SYNE1: variants seen among roughly 807,000 people sequenced by gnomAD.
The protein encoded by SYNE1 is spectrin repeat containing nuclear envelope protein 1.
SYNE1 carries 616 observed loss-of-function variants against 1,111.0 expected under a neutral mutation model. The observed-to-expected ratio is 0.55, with a 90% CI of 0.52 to 0.59. The LOEUF is 0.59. SYNE1 is among the 20% of genes least tolerant of loss of function. The pLI is 0.00. For synonymous variants in SYNE1, 3,855 were observed against 3,825.8 expected, an observed-to-expected ratio of 1.01 and a Z score of -0.28; for missense variants, 10,006 against 10,417.0, an observed-to-expected ratio of 0.96 and a Z score of 1.72.
Position 152,347,122 on chromosome 6 carries a change from G to T in SYNE1, c.12015C>A (p.Asn4005Lys). 2 of 1,614,152 alleles carry T rather than the reference G, an allele frequency of 1.2e-6. No homozygotes were observed. Among genetic ancestry groups the T allele is most frequent in the Non-Finnish European group, 1.7e-6 (2 of 1,180,030 alleles). Residue 4005 changes from asparagine to lysine, a missense_variant, in exon 73 of 146, where the codon AAC (asparagine) becomes AAA (lysine). Asn to Lys is a moderately conservative substitution (Grantham distance 94). This residue lies in a region of SYNE1 where 4,955 missense variants were observed against 5,017.2 expected (regional missense o/e 0.99). Transcript: ENST00000367255. ...ADHLQAKLKQ[N>K]VHAHLQGTKD... ...TTGTGCCCTGCAGATGAGCATGCACGTTTTGTTTAAGTTTCGCTTGCAGGT... is the reference window on the plus strand; with the variant it reads ...TTGTGCCCTGCAGATGAGCATGCACTTTTTGTTTAAGTTTCGCTTGCAGGT...
intron 3 of SYNE1, among the ~76,000 whole-genome samples, chr6:152,606,330 C>T (rs1254902656): frequency 1.3e-5 from 2 of 152,136 alleles, no homozygotes; most frequent in African/African-American, 2.4e-5. Context: ...AAACCAGCTT[C>T]CAAAGAGTCC....
In SYNE1 at chr6:152,450,733, T is replaced by C; in HGVS notation, c.3287A>G (p.Asp1096Gly). 6.2e-7 allele frequency: 1 copy of C among 1,614,134 alleles called. No individual in the cohort carries two copies. The highest frequency in any genetic ancestry group is 8.5e-7 in the Non-Finnish European group (1 of 1,180,026). The part of the protein sequence containing the change: ...VKLPVRDPVR[D>G]TPGTCHVTLK... ...AGTCACGTGACAGGTTCCAGGTGTG[T>C]CCCTTACTGGGTCCCGCACTGGGAG... The change falls in exon 27 of 146, where the codon GAC (aspartate) becomes GGC (glycine). Residue 1096 changes from aspartate (D) to glycine (G), a missense_variant. This residue lies in a region of SYNE1 where 1,971 missense variants were observed against 2,084.1 expected (regional missense o/e 0.95). Transcript: ENST00000367255.
intron 124 of SYNE1, among the ~76,000 whole-genome samples, chr6:152,208,999 A>T (rs1251770991): frequency 3.3e-5 from 5 of 152,152 alleles, no homozygotes; most frequent in Non-Finnish European, 7.4e-5. Context: ...GTTCTTTATT[A>T]CGTTTTATTT....
intron 3 of SYNE1, among the ~76,000 whole-genome samples, chr6:152,563,913 C>T (rs1444178486): frequency 6.6e-6 from 1 of 152,124 alleles, no homozygotes; most frequent in Non-Finnish European, 1.5e-5. Flanking sequence ...TAGAAATACA[C>T]ATAGCAAGTT....
chr6:152,152,115 G>A lies in SYNE1; in HGVS notation c.24156C>T (p.Cys8052=), dbSNP rs1363998260. ...TGTTGATCAGTTCCAGCTGCGTCAGGCACTCGTGGACCTGTCGCTGGAAAG... is the reference window on the plus strand; with the variant it reads ...TGTTGATCAGTTCCAGCTGCGTCAGACACTCGTGGACCTGTCGCTGGAAAG... The part of the protein sequence containing the change: ...FEAFQRQVHE[C]LTQLELINKQ... Residue 8052 remains cysteine, a synonymous_variant, in exon 134 of 146, where the codon TGC becomes TGT. Coordinates refer to ENST00000367255, the MANE Select transcript of SYNE1 (RefSeq NM_182961.4). The A allele has an allele frequency of 1.2e-6, 2 of 1,614,024 alleles. No individual in the cohort carries two copies. Among genetic ancestry groups the A allele is most frequent in the Non-Finnish European group, 1.7e-6 (2 of 1,180,040 alleles).
At position 152,326,300 on chromosome 6, in the gene SYNE1, G is replaced by T. The variant is rs372944943; in HGVS notation, c.15289C>A (p.Gln5097Lys). 7 of 1,614,012 alleles carry T rather than the reference G, an allele frequency of 4.3e-6. No individual in the cohort carries two copies. Among genetic ancestry groups the T allele is most frequent in the Middle Eastern group, 1.6e-4 (1 of 6,084 alleles). The change falls in exon 79 of 146, where the codon CAG becomes AAG. Residue 5097 changes from glutamine to lysine, a missense_variant. Physicochemically the swap from Gln to Lys is moderately conservative, Grantham distance 53 (BLOSUM62 1). Around this residue, in one of 7 missense-constraint regions of SYNE1, gnomAD observed 4,955 missense variants for 5,017.2 expected, o/e 0.99. Transcript: ENST00000367255. ...RDSGAQVDLL[Q>K]RCTAQWHDYQ... ...ACACAAAACATCCTGAAATACCTCTGCAAGAGATCCACTTGGGCACCAGAG... is the reference window on the plus strand; with the variant it reads ...ACACAAAACATCCTGAAATACCTCTTCAAGAGATCCACTTGGGCACCAGAG...
chr6:152,360,796 G>A (rs2096918780), intron 64 of SYNE1, among the ~76,000 whole-genome samples: 1 of 152,054 alleles, frequency 6.6e-6, no homozygotes, highest in South Asian at 2.1e-4. Flanking sequence ...ATTATTTTAT[G>A]GATGCATAAA....
At chr6:152,156,141 A>G in intron 131 of SYNE1, 44 bp from the exon 132 acceptor site, 2 of 1,609,654 alleles carry the variant, frequency 1.2e-6, no homozygotes, top group Non-Finnish European at 1.7e-6. Context: ...TTACATGTAT[A>G]CAGATGAGAG....
At chr6:152,345,031 T>A (rs1027864494) in intron 73 of SYNE1, among the ~76,000 whole-genome samples, 25 of 152,202 alleles carry the variant, frequency 1.6e-4, no homozygotes, top group Non-Finnish European at 3.4e-4. Flanking sequence ...CTCTGTCATC[T>A]TTTAAATTCA....
At chr6:152,384,934 A>G (rs1419879306) in intron 55 of SYNE1, among the ~76,000 whole-genome samples, 2 of 151,968 alleles carry the variant, frequency 1.3e-5, no homozygotes, top group Non-Finnish European at 2.9e-5. Context: ...ACCATCAGCT[A>G]TAATTTTTAT....
intron 15 of SYNE1, 73 bp downstream of exon 15, chr6:152,472,228 A>C: frequency 7.5e-7 from 1 of 1,333,406 alleles, no homozygotes; most frequent in South Asian, 1.3e-5. Context: ...TCATGAAAAA[A>C]TAAAAGAAAT....
chr6:152,247,540 T>A (rs927151920), intron 105 of SYNE1, among the ~76,000 whole-genome samples: 15 of 150,962 alleles, frequency 9.9e-5, no homozygotes, highest in Non-Finnish European at 1.6e-4. Context: ...AAATGAGAAA[T>A]CTCTTTAAAA....
chr6:152,240,797 T>G (rs2085455172), intron 107 of SYNE1, among the ~76,000 whole-genome samples: 1 of 152,210 alleles, frequency 6.6e-6, no homozygotes, highest in Non-Finnish European at 1.5e-5. Flanking sequence ...GTCACATAGC[T>G]AGTCACGGCA....
chr6:152,194,616 C>G (rs2073599747), intron 127 of SYNE1, among the ~76,000 whole-genome samples: 1 of 152,164 alleles, frequency 6.6e-6, no homozygotes, highest in South Asian at 2.1e-4. Context: ...CTTTCTACCT[C>G]CTTTTGAAGG....
intron 97 of SYNE1, among the ~76,000 whole-genome samples, chr6:152,281,079 A>G (rs927674259): frequency 1.3e-5 from 2 of 152,194 alleles, no homozygotes; most frequent in African/African-American, 4.8e-5. Flanking sequence ...GGTTTTCTAG[A>G]TATTTCCTAG....
intron 128 of SYNE1, among the ~76,000 whole-genome samples, chr6:152,182,099 G>C (rs1263703256): frequency 1.3e-5 from 2 of 152,118 alleles, no homozygotes; most frequent in Non-Finnish European, 2.9e-5. Context: ...TAATTAGATT[G>C]CCTTTTTATT....
chr6:152,436,593 G>A (rs755618988), intron 32 of SYNE1, among the ~76,000 whole-genome samples: 1 of 152,090 alleles, frequency 6.6e-6, no homozygotes, highest in Non-Finnish European at 1.5e-5. Flanking sequence ...GTGCCACCAT[G>A]CCTGGCTAAC....
At chr6:152,523,369 T>C (rs1261083826) in intron 5 of SYNE1, among the ~76,000 whole-genome samples, 3 of 152,148 alleles carry the variant, frequency 2.0e-5, no homozygotes, top group African/African-American at 7.2e-5. Context: ...ATTGTAAGTA[T>C]TTGGCTTTAT....
chr6:152,522,243 T>C (rs1231800781), intron 5 of SYNE1, among the ~76,000 whole-genome samples: 1 of 152,130 alleles, frequency 6.6e-6, no homozygotes, highest in Non-Finnish European at 1.5e-5. Flanking sequence ...CAAAGTCCAT[T>C]ATACCATTCT....
Sources: gnomAD v4.1 joint callset for allele counts (sites outside exome capture counted in the v4.1 genomes callset) on GRCh38, gnomAD v4.1.1 for gene constraint, gnomAD v4.1.1 regional missense constraint, MANE v1.5 for transcripts, NCBI Gene and HGNC (gene_info 2026-07-23, HGNC 2026-07-21) for gene names.